Variants in CLDN10 observed in about 807,000 individuals in gnomAD.
The protein encoded by CLDN10 is claudin-10.
In CLDN10, 15 loss-of-function variants were observed where a neutral mutation model predicts 22.9. The observed-to-expected ratio is 0.65, with a 90% CI of 0.44 to 1.01. The LOEUF (loss-of-function observed/expected upper bound fraction) is 1.01, where lower values mean the gene tolerates loss of function less well. CLDN10 is among the 50% of genes least tolerant of loss of function. The pLI is 0.00. For missense variants in CLDN10, 247 were observed against 287.8 expected (o/e 0.86, Z 1.03); for synonymous variants, 114 against 111.4 (o/e 1.02, Z -0.15).
At chr13:95,456,855 C>CA (rs1211353852) in intron 1 of CLDN10, among the ~76,000 whole-genome samples, 1 of 152,132 alleles carries the variant, frequency 6.6e-6, no homozygotes, top group Non-Finnish European at 1.5e-5. Context: ...AGACAGATCA[C>CA]AAAAAAGCAA....
At chr13:95,461,852 G>T (rs1012159000) in intron 1 of CLDN10, among the ~76,000 whole-genome samples, 1 of 152,112 alleles carries the variant, frequency 6.6e-6, no homozygotes, top group African/African-American at 2.4e-5. Flanking sequence ...AATACTTTGG[G>T]AGGCCAATGC....
Position 95,552,826 on chromosome 13 carries a change from C to T in CLDN10, c.73C>T (p.Leu25=). The change falls in exon 1 of 5, where the codon CTG becomes TTG. Residue 25 remains leucine (L), a synonymous_variant. Transcript: ENST00000299339. ...AGGCTGGGTACTGGTGTCCTCCACG[C>T]TGCCCACCGACTACTGGAAGGTGTC... is the stretch of plus-strand genomic sequence containing the variant. The part of the protein sequence containing the change: ...ISGWVLVSST[L]PTDYWKVSTI... The T allele has an allele frequency of 6.2e-7, 1 of 1,614,084 alleles. No individual in the cohort carries two copies. The highest frequency in any genetic ancestry group is 1.3e-5 in the African/African-American group (1 of 75,048).
At chr13:95,449,926 G>T (rs1566649107) in intron 1 of CLDN10, among the ~76,000 whole-genome samples, 1 of 151,914 alleles carries the variant, frequency 6.6e-6, no homozygotes, top group Non-Finnish European at 1.5e-5. Flanking sequence ...TGTATTTTTA[G>T]TAGAGACGGG....
chr13:95,496,844 T>C (rs2042934998), intron 1 of CLDN10, among the ~76,000 whole-genome samples: 1 of 152,210 alleles, frequency 6.6e-6, no homozygotes. Flanking sequence ...CTCCAGTACA[T>C]GACACTCCTT....
At chr13:95,543,154 C>T (rs1482905654) in intron 1 of CLDN10, among the ~76,000 whole-genome samples, 1 of 152,176 alleles carries the variant, frequency 6.6e-6, no homozygotes, top group Non-Finnish European at 1.5e-5. Flanking sequence ...ATTGCTTGAA[C>T]CTGGGAGGCA....
intron 1 of CLDN10, among the ~76,000 whole-genome samples, chr13:95,448,671 C>T (rs745692003): frequency 1.3e-5 from 2 of 151,894 alleles, no homozygotes; most frequent in Non-Finnish European, 2.9e-5. Context: ...ATGGGGGCAC[C>T]TAGAAGTGAC....
intron 1 of CLDN10, among the ~76,000 whole-genome samples, chr13:95,532,882 T>C (rs928876830): frequency 5.4e-5 from 8 of 149,166 alleles, no homozygotes; most frequent in African/African-American, 9.8e-5. Flanking sequence ...AGAAGCCTTA[T>C]ACAAAAGAGT....
rs1010171095 is a variant in CLDN10 at position 95,522,137 on chromosome 13, T to C, written c.215-37995T>C. ...TTTTAGCTTTCTTGATGTTCTCTGT[T>C]TCCTGTTTCATGAAGGCTTGCTTTA... On this transcript the variant is annotated intron_variant, in intron 1 of 4. Transcript: ENST00000376873. 2.0e-5 allele frequency among the ~76,000 whole-genome samples: 3 copies of C among 152,160 alleles called. No individual in the cohort carries two copies. In the South Asian group the frequency reaches 6.2e-4, roughly 32 times the overall value.
chr13:95,514,820 T>C (rs1158511179), intron 1 of CLDN10, among the ~76,000 whole-genome samples: 2 of 152,180 alleles, frequency 1.3e-5, no homozygotes, highest in Admixed American at 1.3e-4. Flanking sequence ...AGGCTCACTC[T>C]GGTTACCAAG....
At chr13:95,490,694 T>A (rs978276053) in intron 1 of CLDN10, among the ~76,000 whole-genome samples, 8 of 152,240 alleles carry the variant, frequency 5.3e-5, no homozygotes, top group Non-Finnish European at 8.8e-5. Context: ...TCACATGGTC[T>A]ATCTTGGAGA....
chr13:95,533,781 A>G (rs919900135), intron 1 of CLDN10: 1 of 152,200 alleles, frequency 6.6e-6, no homozygotes, highest in African/African-American at 2.4e-5. Context: ...AAGGATAAGG[A>G]CCCACATGCT....
chr13:95,572,495 C>T (rs1195235232), intron 3 of CLDN10, among the ~76,000 whole-genome samples: 1 of 152,044 alleles, frequency 6.6e-6, no homozygotes, highest in Non-Finnish European at 1.5e-5. Flanking sequence ...ATCTCCCAGG[C>T]TTGTGATGAA....
intron 1 of CLDN10, among the ~76,000 whole-genome samples, chr13:95,470,573 A>T (rs2042620077): frequency 6.6e-6 from 1 of 152,164 alleles, no homozygotes; most frequent in South Asian, 2.1e-4. Context: ...CAACCCCCGA[A>T]GGCTCAACAT....
At chr13:95,476,804 G>C (rs926108730) in intron 1 of CLDN10, among the ~76,000 whole-genome samples, 2 of 151,958 alleles carry the variant, frequency 1.3e-5, no homozygotes, top group African/African-American at 4.8e-5. Context: ...TGAGTCTCGG[G>C]GGCACCTTCA....
intron 1 of CLDN10, among the ~76,000 whole-genome samples, chr13:95,487,980 AT>A (rs60870781): frequency 2.0e-4 from 30 of 149,770 alleles, no homozygotes; most frequent in Non-Finnish European, 2.4e-4. Context: ...GCCTGGCCTA[AT>A]TTTTTTTCTT....
At chr13:95,513,034 C>A (rs532817310) in intron 1 of CLDN10, among the ~76,000 whole-genome samples, 1 of 152,098 alleles carries the variant, frequency 6.6e-6, no homozygotes, top group Admixed American at 6.5e-5. Context: ...TGCCACCACA[C>A]CCAGCTAATT....
intron 1 of CLDN10, among the ~76,000 whole-genome samples, chr13:95,508,925 T>C (rs146247887): frequency 1.3e-5 from 2 of 152,298 alleles, no homozygotes; most frequent in African/African-American, 4.8e-5. Flanking sequence ...GTCTGAACTT[T>C]ATCTGAAAAT....
At chr13:95,566,204 G>C (rs1208405001) in intron 3 of CLDN10, among the ~76,000 whole-genome samples, 1 of 152,180 alleles carries the variant, frequency 6.6e-6, no homozygotes, top group Non-Finnish European at 1.5e-5. Context: ...TTGCTACACT[G>C]TCTTCCACAA....
intron 1 of CLDN10, among the ~76,000 whole-genome samples, chr13:95,527,056 T>C (rs866438061): frequency 6.6e-5 from 10 of 152,186 alleles, no homozygotes; most frequent in South Asian, 2.1e-4. Flanking sequence ...AAACTTCTAA[T>C]TGGACTTTCA....
Sources: gnomAD v4.1 joint callset for allele counts (sites outside exome capture counted in the v4.1 genomes callset) on GRCh38, gnomAD v4.1.1 for gene constraint, MANE v1.5 for transcripts, NCBI Gene and HGNC (gene_info 2026-07-23, HGNC 2026-07-21) for gene names.